The following D2HGDH variants were observed in gnomAD, a reference collection of about 807,000 sequenced individuals.
D2HGDH encodes the protein D-2-hydroxyglutarate dehydrogenase.
In D2HGDH, 31 loss-of-function variants were observed where a neutral mutation model predicts 46.9. The ratio of observed to expected loss-of-function variants is 0.66; its 90% confidence interval spans 0.50 to 0.89. D2HGDH has a LOEUF of 0.89. Ranked by LOEUF, D2HGDH falls within the 40% of genes least tolerant of loss-of-function variation. The pLI is 0.00. For missense variants in D2HGDH, 698 were observed against 720.8 expected (o/e 0.97, Z 0.36); for synonymous variants, 364 against 332.6 (o/e 1.09, Z -1.03).
intron 6 of D2HGDH, chr2:241,749,100 G>A: frequency 1.0e-6 from 1 of 989,698 alleles, no homozygotes; most frequent in Non-Finnish European, 1.2e-6. Context: ...CCTGCAGCTG[G>A]GGCGACTTCC....
At chr2:241,751,908 G>A (rs543385405) in intron 8 of D2HGDH, among the ~76,000 whole-genome samples, 22 of 135,008 alleles carry the variant, frequency 1.6e-4, no homozygotes, top group African/African-American at 6.2e-4. Flanking sequence ...CTCGGTCACC[G>A]TCACCGGGGC....
chr2:241,750,345 G>T, intron 7 of D2HGDH, 51 bp downstream of exon 7: 1 of 1,442,978 alleles, frequency 6.9e-7, no homozygotes. Context: ...CCTTCTGCAC[G>T]TCTGGACACA....
intron 6 of D2HGDH, chr2:241,748,800 C>G (rs1408450746): frequency 8.7e-7 from 1 of 1,151,430 alleles, no homozygotes. Context: ...GCAGTGCCAT[C>G]TGGATCGGTG....
intron 8 of D2HGDH, 107 bp downstream of exon 8, chr2:241,751,495 G>T: frequency 6.6e-7 from 1 of 1,513,176 alleles, no homozygotes. Context: ...TGTGGGATGT[G>T]GCTGAAATGT....
chr2:241,738,005 G>T (rs1693410624), intron 2 of D2HGDH, among the ~76,000 whole-genome samples: 1 of 152,188 alleles, frequency 6.6e-6, no homozygotes, highest in Non-Finnish European at 1.5e-5. Context: ...TGCAGCGTAT[G>T]TTAAAACAGT....
intron 2 of D2HGDH, among the ~76,000 whole-genome samples, chr2:241,738,132 C>T (rs565540220): frequency 1.3e-5 from 2 of 152,278 alleles, no homozygotes; most frequent in South Asian, 2.1e-4. Context: ...TGTGTAGGAG[C>T]TCTCTTGAGT....
intron 8 of D2HGDH, among the ~76,000 whole-genome samples, chr2:241,751,731 T>C (rs2125141910): frequency 6.6e-6 from 1 of 151,582 alleles, no homozygotes; most frequent in East Asian, 2.0e-4. Flanking sequence ...GTGGAAGGAG[T>C]GGAGGCAGGA....
At chr2:241,749,676 CCT>C (rs1279804174) in intron 6 of D2HGDH, 3 of 325,906 alleles carry the variant, frequency 9.2e-6, no homozygotes, top group African/African-American at 6.5e-5. Context: ...AGATACGCCC[CCT>C]CTGAGTCCCA....
intron 6 of D2HGDH, among the ~76,000 whole-genome samples, chr2:241,746,923 G>A (rs1169305726): frequency 6.6e-6 from 1 of 151,310 alleles, no homozygotes; most frequent in Non-Finnish European, 1.5e-5. Context: ...AATTTTTTGT[G>A]ATGTTTTATA....
rs1010987048 is a variant in D2HGDH at position 241,743,340 on chromosome 2, C to T, written c.491-282C>T. Among the ~76,000 whole-genome samples, 2 of 152,262 alleles carry T rather than the reference C, an allele frequency of 1.3e-5. No homozygotes were observed. The highest frequency in any genetic ancestry group is 4.8e-5 in the African/African-American group (2 of 41,468). On this transcript the variant is annotated intron_variant, in intron 4 of 9. Transcript: ENST00000321264. This position sits in a 1 kb window ranked among gnomAD's most constrained non-coding sequence, Gnocchi z 4.8. The stretch of plus-strand genomic sequence containing the variant: ...TCAGCCCCAGCTGAGAATCTTCCCT[C>T]TTCTACTCCTTTCCACGAGTGTGTG...
At chr2:241,746,085 G>A (rs150981966) in intron 6 of D2HGDH, among the ~76,000 whole-genome samples, 3 of 152,220 alleles carry the variant, frequency 2.0e-5, no homozygotes, top group Admixed American at 2.0e-4. Context: ...CTGTGGCTTG[G>A]TATCTTTTAC....
chr2:241,752,221 C>G (rs1471253995), intron 8 of D2HGDH, among the ~76,000 whole-genome samples: 2 of 152,176 alleles, frequency 1.3e-5, no homozygotes, highest in African/African-American at 2.4e-5. Context: ...TGTCATGATT[C>G]CAGTGCTTCT....
At chr2:241,744,282 A>G (rs1695294936) in intron 5 of D2HGDH, among the ~76,000 whole-genome samples, 1 of 152,260 alleles carries the variant, frequency 6.6e-6, no homozygotes, top group African/African-American at 2.4e-5. Flanking sequence ...GGTGCCATCC[A>G]GTAAATTATG....
At chr2:241,752,025 G>A (rs892854423) in intron 8 of D2HGDH, among the ~76,000 whole-genome samples, 2 of 149,978 alleles carry the variant, frequency 1.3e-5, no homozygotes, top group Non-Finnish European at 3.0e-5. Flanking sequence ...CACTGTTACC[G>A]GGACCTGGGT....
chr2:241,748,798 A>T, intron 6 of D2HGDH: 4 of 1,150,042 alleles, frequency 3.5e-6, no homozygotes, highest in Non-Finnish European at 4.4e-6. Flanking sequence ...CGGCAGTGCC[A>T]TCTGGATCGG....
At position 241,755,985 on chromosome 2, in the gene D2HGDH, C is replaced by G. The variant is rs1479959064; in HGVS notation, c.1277C>G (p.Ala426Gly). ...TDLRARLGPH[A>G]KHVVGYGHLG... Reference sequence around the variant, plus strand: ...CTGCGCGCCCGCCTCGGCCCGCACGCCAAGCACGTGGTGGGCTATGGCCAC... The same window carrying G: ...CTGCGCGCCCGCCTCGGCCCGCACGGCAAGCACGTGGTGGGCTATGGCCAC... The change falls in exon 9 of 10, where the codon GCC becomes GGC. Residue 426 changes from alanine (A) to glycine (G), a missense_variant. By Grantham distance (60) the Ala-to-Gly change is moderately conservative (BLOSUM62 0). Coordinates refer to ENST00000321264, the MANE Select transcript of D2HGDH (RefSeq NM_152783.5). 1 of 1,603,336 alleles carries G rather than the reference C, an allele frequency of 6.2e-7. No individual in the cohort carries two copies. The highest frequency in any genetic ancestry group is 8.5e-7 in the Non-Finnish European group (1 of 1,172,452).
At chr2:241,747,326 T>G (rs1375039641) in intron 6 of D2HGDH, among the ~76,000 whole-genome samples, 3 of 152,098 alleles carry the variant, frequency 2.0e-5, no homozygotes, top group Admixed American at 2.0e-4. Flanking sequence ...TGCAGCTCAT[T>G]ATGTTTGAAG....
At chr2:241,740,789 A>T (rs1404436456) in intron 2 of D2HGDH, among the ~76,000 whole-genome samples, 1 of 152,220 alleles carries the variant, frequency 6.6e-6, no homozygotes, top group East Asian at 1.9e-4. Context: ...TACTAAAAAT[A>T]CAAAAATTAG....
intron 9 of D2HGDH, among the ~76,000 whole-genome samples, 188 bp downstream of exon 9, chr2:241,756,202 G>A (rs568350508): frequency 1.5e-4 from 23 of 152,370 alleles, no homozygotes; most frequent in South Asian, 8.3e-4. Flanking sequence ...GTCATGACTC[G>A]TTTTGAGTAT....
Sources: gnomAD v4.1 joint callset for allele counts (sites outside exome capture counted in the v4.1 genomes callset) on GRCh38, gnomAD v4.1.1 for gene constraint, Gnocchi (gnomAD v3.1) non-coding constraint, MANE v1.5 for transcripts, NCBI Gene and HGNC (gene_info 2026-07-23, HGNC 2026-07-21) for gene names.